Variants in PCDHGB6 observed in about 807,000 individuals in gnomAD.
PCDHGB6 encodes the protein protocadherin gamma-B6.
A neutral mutation model predicts 59.1 loss-of-function variants in PCDHGB6; 51 were observed. The ratio of observed to expected loss-of-function variants is 0.86; its 90% CI spans 0.69 to 1.09. The LOEUF (loss-of-function observed/expected upper bound fraction) is 1.09, where lower values mean the gene tolerates loss of function less well. PCDHGB6 is among the 50% of genes least tolerant of loss of function. PCDHGB6 has a pLI of 0.00. For missense variants in PCDHGB6, 1,148 were observed against 1,205.1 expected (o/e 0.95, Z 0.70); for synonymous variants, 466 against 495.1 (o/e 0.94, Z 0.78).
At chr5:141,473,735 A>G (rs529416084) in intron 1 of PCDHGB6, among the ~76,000 whole-genome samples, 75 of 152,352 alleles carry the variant, frequency 4.9e-4, no homozygotes, top group African/African-American at 1.6e-3. Context: ...GAGAGGGAGA[A>G]GACATGAGAA....
At position 141,432,275 on chromosome 5, in the gene PCDHGB6, T is replaced by C. The variant is rs775413198; in HGVS notation, c.2418+21655T>C. 2 of 1,614,232 alleles carry C rather than the reference T, an allele frequency of 1.2e-6. No homozygotes were observed. Among genetic ancestry groups the C allele is most frequent in the South Asian group, 2.2e-5 (2 of 91,086 alleles). On this transcript the variant is annotated intron_variant, in intron 1 of 3. Coordinates refer to ENST00000520790, the MANE Select transcript of PCDHGB6 (RefSeq NM_018926.3). This position sits in a 1 kb window ranked among gnomAD's most constrained non-coding sequence, Gnocchi z 6.0. ...AGGGGCAAGCCTATCGTCCTACGTG[T>C]CCATCAACTCCGACACTGGGGTACT... is the stretch of plus-strand genomic sequence containing the variant.
In PCDHGB6 at chr5:141,476,042, T is replaced by C. The variant is rs199923442; in HGVS notation, c.2419-18765T>C. On this transcript the variant is annotated intron_variant, in intron 1 of 3. Coordinates refer to ENST00000520790, the MANE Select transcript of PCDHGB6 (RefSeq NM_018926.3). The surrounding 1 kb of genome is among the most constrained non-coding windows in gnomAD (Gnocchi z 7.6). Reference sequence around the variant, plus strand: ...GACTCGGCGCCCAGCGCCCAAGCGCTAACCCGCTGAAAGTTTCTCAGCGAA... The same window carrying C: ...GACTCGGCGCCCAGCGCCCAAGCGCCAACCCGCTGAAAGTTTCTCAGCGAA... 1.4e-5 allele frequency: 21 copies of C among 1,491,832 alleles called. No individual in the cohort carries two copies. The highest frequency in any genetic ancestry group is 2.7e-6 in the Non-Finnish European group (3 of 1,123,808). 92.4% of individuals were successfully genotyped at this position (1,491,832 alleles called of 1,614,324 possible). A position where few individuals can be genotyped will look rare whatever the true frequency, so the allele number is the denominator to read the frequency against.
In PCDHGB6 at chr5:141,432,358, G is replaced by A. The variant is rs750696244; in HGVS notation, c.2418+21738G>A. ...TCCGAGACTTGCAAGTGAAAGTGAT[G>A]GCGCGGGACAACGGGCACCCGCCCC... On this transcript the variant is annotated intron_variant, in intron 1 of 3. Transcript: ENST00000520790. This position sits in a 1 kb window ranked among gnomAD's most constrained non-coding sequence, Gnocchi z 6.0. The A allele has an allele frequency of 6.2e-7, 1 of 1,614,122 alleles. No homozygotes were observed. The highest frequency in any genetic ancestry group is 8.5e-7 in the Non-Finnish European group (1 of 1,180,060).
In PCDHGB6 at chr5:141,410,184, A is replaced by G; in HGVS notation, c.1982A>G (p.His661Arg). The part of the protein sequence containing the change: ...QPPLSATATL[H>R]LVFADNLQEI... ...CCACTCTCTGCCACCGCCACGCTTC[A>G]TCTGGTCTTCGCAGACAACTTGCAA... The change falls in exon 1 of 4, where the codon CAT becomes CGT. Residue 661 changes from histidine to arginine, a missense_variant. His to Arg is a conservative substitution (Grantham distance 29). Coordinates refer to ENST00000520790, the MANE Select transcript of PCDHGB6 (RefSeq NM_018926.3). The G allele has an allele frequency of 6.2e-7, 1 of 1,613,918 alleles. No individual in the cohort carries two copies. Among genetic ancestry groups the G allele is most frequent in the Non-Finnish European group, 8.5e-7 (1 of 1,179,828 alleles).
intron 1 of PCDHGB6, among the ~76,000 whole-genome samples, chr5:141,449,103 A>G (rs1033077737): frequency 2.0e-5 from 3 of 152,206 alleles, no homozygotes; most frequent in African/African-American, 7.2e-5. Context: ...CATATGCAGT[A>G]TATCTTTGGG....
intron 1 of PCDHGB6, chr5:141,412,947 C>A (rs930035804): frequency 2.1e-6 from 1 of 474,890 alleles, no homozygotes; most frequent in African/African-American, 2.0e-5. Flanking sequence ...CTCTGAGCGC[C>A]GCTGTTCACC....
At chr5:141,422,126 GAGA>G (rs767100115) in intron 1 of PCDHGB6, 2 of 1,601,210 alleles carry the variant, frequency 1.2e-6, no homozygotes, top group South Asian at 2.3e-5. Context: ...TCACAAACTG[GAGA>G]AGTTCAAGTA....
intron 1 of PCDHGB6, chr5:141,422,844 G>A: frequency 6.2e-7 from 1 of 1,614,238 alleles, no homozygotes; most frequent in Non-Finnish European, 8.5e-7. Context: ...GTGACAGCGG[G>A]GACCCGCCCC....
chr5:141,433,108 G>A (rs2097568903), intron 1 of PCDHGB6: 2 of 1,614,146 alleles, frequency 1.2e-6, no homozygotes, highest in East Asian at 2.2e-5. Context: ...TCAGCCAGGA[G>A]AGCTTTGAAA....
chr5:141,481,794 A>G (rs1433830305), intron 1 of PCDHGB6, among the ~76,000 whole-genome samples: 1 of 152,136 alleles, frequency 6.6e-6, no homozygotes, highest in Non-Finnish European at 1.5e-5. Context: ...TCTACTAAAA[A>G]TACAAAAATT....
At chr5:141,501,516 C>A (rs763346187) in intron 2 of PCDHGB6, among the ~76,000 whole-genome samples, 1 of 152,010 alleles carries the variant, frequency 6.6e-6, no homozygotes, top group Non-Finnish European at 1.5e-5. Flanking sequence ...GGCCTCCAAG[C>A]TGAAGCCCAG....
intron 1 of PCDHGB6, among the ~76,000 whole-genome samples, chr5:141,469,882 G>A (rs760102003): frequency 2.6e-5 from 4 of 152,280 alleles, no homozygotes; most frequent in Non-Finnish European, 4.4e-5. Context: ...TGTAATCTCG[G>A]CACTTTGGGA....
chr5:141,511,400 T>A lies in PCDHGB6; in HGVS notation c.*227T>A, dbSNP rs1208021848. On this transcript the variant is annotated 3_prime_UTR_variant, in exon 4 of 4. Coordinates refer to ENST00000520790, the MANE Select transcript of PCDHGB6 (RefSeq NM_018926.3). ...AGTTCCGCTGGGAACCCCCATCCAA[T>A]CAACTGCTGTACCCATGGGGGTAGT... 1.1e-5 allele frequency: 11 copies of A among 982,132 alleles called. No individual in the cohort carries two copies. Among genetic ancestry groups the A allele is most frequent in the African/African-American group, 3.3e-5 (2 of 60,924 alleles). 60.8% of individuals were successfully genotyped at this position (982,132 alleles called of 1,614,324 possible).
chr5:141,420,454 TATTCAAAGAC>T, intron 1 of PCDHGB6: 1 of 968,104 alleles, frequency 1.0e-6, no homozygotes, highest in Admixed American at 3.7e-5. Context: ...GTCTTCCTAC[TATTCAAAGAC>T]ATTTTAAAGC....
At chr5:141,440,484 A>G (rs190024112) in intron 1 of PCDHGB6, 36 of 152,300 alleles carry the variant, frequency 2.4e-4, no homozygotes, top group Non-Finnish European at 4.7e-4. Context: ...AATTCTTTAA[A>G]TGTTTTTCAC....
rs1205353926 is a variant in PCDHGB6 at position 141,477,969 on chromosome 5, T to A, written c.2419-16838T>A. 6.2e-7 allele frequency: 1 copy of A among 1,613,962 alleles called. No homozygotes were observed. Among genetic ancestry groups the A allele is most frequent in the Non-Finnish European group, 8.5e-7 (1 of 1,180,032 alleles). ...CTCTTGGGATCCCCTAACCAGAGCC[T>A]TTTTGCCATAGGGCTGCACACTGGT... On this transcript the variant is annotated intron_variant, in intron 1 of 3. Coordinates refer to ENST00000520790, the MANE Select transcript of PCDHGB6 (RefSeq NM_018926.3). The surrounding 1 kb of genome is among the most constrained non-coding windows in gnomAD (Gnocchi z 4.9).
chr5:141,461,648 A>G (rs910827619), intron 1 of PCDHGB6, among the ~76,000 whole-genome samples: 2 of 152,070 alleles, frequency 1.3e-5, no homozygotes, highest in South Asian at 2.1e-4. Context: ...TCTTTGACCC[A>G]TGGATTATTT....
At chr5:141,502,525 G>A (rs1258704254) in intron 2 of PCDHGB6, among the ~76,000 whole-genome samples, 1 of 152,074 alleles carries the variant, frequency 6.6e-6, no homozygotes, top group Non-Finnish European at 1.5e-5. Flanking sequence ...CAGTGATGCC[G>A]AGTTTGTTCG....
chr5:141,455,795 C>T (rs1251703490), intron 1 of PCDHGB6, among the ~76,000 whole-genome samples: 1 of 151,960 alleles, frequency 6.6e-6, no homozygotes, highest in African/African-American at 2.4e-5. Flanking sequence ...TCCGGAGATG[C>T]TTTAAAAAAT....
Sources: gnomAD v4.1 joint callset for allele counts (sites outside exome capture counted in the v4.1 genomes callset) on GRCh38, gnomAD v4.1.1 for gene constraint, Gnocchi (gnomAD v3.1) non-coding constraint, MANE v1.5 for transcripts, NCBI Gene and HGNC (gene_info 2026-07-23, HGNC 2026-07-21) for gene names.